Variants in GNAS observed in about 807,000 individuals in gnomAD.
GNAS encodes protein ALEX.
GNAS carries 8 observed loss-of-function variants against 54.5 expected under a neutral mutation model. That is an observed-to-expected ratio of 0.15 (90% CI 0.09 to 0.26). The LOEUF (loss-of-function observed/expected upper bound fraction) is 0.26. Among genes scored for constraint, GNAS ranks in the 10% least tolerant of loss-of-function variants. The probability of loss-of-function intolerance (pLI) is 1.00; values close to 1 mark genes in which losing one functional copy is unlikely to be tolerated. For missense variants in GNAS, 170 were observed against 529.8 expected, an observed-to-expected ratio of 0.32 and a Z score of 6.67; for synonymous variants, 204 against 191.4, an observed-to-expected ratio of 1.07 and a Z score of -0.54.
chr20:58,882,161 C>T (rs939953327), intron 1 of GNAS, among the ~76,000 whole-genome samples: 4 of 152,178 alleles, frequency 2.6e-5, no homozygotes, highest in Non-Finnish European at 5.9e-5. Flanking sequence ...CTCCGCCTCC[C>T]GGGTTCACGC....
At position 58,841,084 on chromosome 20, in the gene GNAS, C is replaced by T. The variant is rs1219507375; in HGVS notation, c.43+198C>T. 6.6e-6 allele frequency among the ~76,000 whole-genome samples: 1 copy of T among 152,036 alleles called. No individual in the cohort carries two copies. Among genetic ancestry groups the T allele is most frequent in the Non-Finnish European group, 1.5e-5 (1 of 67,990 alleles). ...CAGGATGCCAGGGGCGCCCTGGTGGCCAAAGGCTTGTTGGACGGCGGGGCG... is the reference window on the plus strand; with the variant it reads ...CAGGATGCCAGGGGCGCCCTGGTGGTCAAAGGCTTGTTGGACGGCGGGGCG... On this transcript the variant is annotated intron_variant, in intron 1 of 12. Coordinates refer to the GNAS transcript ENST00000306090. This position sits in a 1 kb window ranked among gnomAD's most constrained non-coding sequence, Gnocchi z 5.0.
At chr20:58,880,116 G>T (rs2088129840) in intron 1 of GNAS, among the ~76,000 whole-genome samples, 1 of 152,152 alleles carries the variant, frequency 6.6e-6, no homozygotes, top group Non-Finnish European at 1.5e-5. Context: ...ATCTCTCAGT[G>T]CAGTAAAAAG....
intron 1 of GNAS, among the ~76,000 whole-genome samples, chr20:58,846,988 G>C (rs1251521029): frequency 3.3e-5 from 5 of 152,012 alleles, no homozygotes; most frequent in Admixed American, 3.3e-4. Flanking sequence ...ATCTTTTCTG[G>C]AATGGCCTCT....
intron 3 of GNAS, chr20:58,899,552 C>T (rs1408043227): frequency 4.1e-5 from 22 of 535,266 alleles, no homozygotes; most frequent in Non-Finnish European, 7.8e-5. Flanking sequence ...AGGCACTTTA[C>T]GTTAGCTTGG....
At position 58,857,755 on chromosome 20, in the gene GNAS, C is replaced by T. The variant is rs539798747; in HGVS notation, c.43+16869C>T. Among the ~76,000 whole-genome samples, 53 of 152,248 alleles carry T rather than the reference C, an allele frequency of 3.5e-4. No homozygotes were observed. The highest frequency in any genetic ancestry group is 1.3e-3 in the African/African-American group (52 of 41,542). The stretch of plus-strand genomic sequence containing the variant: ...GCCATCAATCCTGCAGCAAACTGTC[C>T]ATGTTTGGGACCAGTCTTAAGAATA... On this transcript the variant is annotated intron_variant, in intron 1 of 12. Coordinates refer to the GNAS transcript ENST00000306090. The surrounding 1 kb of genome is among the most constrained non-coding windows in gnomAD (Gnocchi z 4.1).
upstream of GNAS, among the ~76,000 whole-genome samples, chr20:58,888,040 G>A: frequency 6.6e-6 from 1 of 152,178 alleles, no homozygotes; most frequent in Non-Finnish European, 1.5e-5. Flanking sequence ...AAGGCCTCTG[G>A]TGGTATCAGC....
At chr20:58,840,490 G>T (rs761520412), upstream of GNAS, 1 of 1,613,180 alleles carries the variant, frequency 6.2e-7, no homozygotes, top group Non-Finnish European at 8.5e-7. This position sits in a 1 kb window ranked among gnomAD's most constrained non-coding sequence, Gnocchi z 6.0. Flanking sequence ...TCGAGACCGA[G>T]CCTGAGACCG....
At chr20:58,855,939 C>A in intron 1 of GNAS, 1 of 379,660 alleles carries the variant, frequency 2.6e-6, no homozygotes, top group Non-Finnish European at 4.7e-6. Context: ...ATGGCCCGGG[C>A]AAAAAACTTT....
chr20:58,859,718 C>G (rs752751226), intron 1 of GNAS, among the ~76,000 whole-genome samples: 1 of 151,886 alleles, frequency 6.6e-6, no homozygotes, highest in East Asian at 1.9e-4. Context: ...CCTCTGCCTC[C>G]TGGGTTCAAG....
At chr20:58,871,249 G>A (rs958200805) in intron 1 of GNAS, among the ~76,000 whole-genome samples, 1 of 152,156 alleles carries the variant, frequency 6.6e-6, no homozygotes, top group Non-Finnish European at 1.5e-5. Context: ...TTGGCCAGTT[G>A]TTTATTGTTG....
At chr20:58,870,651 C>A (rs2087380386) in intron 1 of GNAS, among the ~76,000 whole-genome samples, 1 of 152,200 alleles carries the variant, frequency 6.6e-6, no homozygotes, top group Non-Finnish European at 1.5e-5. Flanking sequence ...CCATTCTGTG[C>A]TTTTCTCAGG....
chr20:58,866,114 A>G (rs1267591280), intron 1 of GNAS, among the ~76,000 whole-genome samples: 1 of 152,120 alleles, frequency 6.6e-6, no homozygotes, highest in African/African-American at 2.4e-5. Flanking sequence ...GTGTTCCCCA[A>G]AACAACAGCA....
chr20:58,891,732 C>A lies in GNAS; in HGVS notation c.6C>A (p.Gly2=). The change falls in exon 1 of 13, where the codon GGC becomes GGA. Residue 2 remains glycine (G), a synonymous_variant. Coordinates refer to ENST00000371085, the MANE Select transcript of GNAS (RefSeq NM_000516.7). M[G]CLGNSKTEDQ... ...CCGCCGCCGCCGCCGCCGCCATGGGCTGCCTCGGGAACAGTAAGACCGAGG... is the reference window on the plus strand; with the variant it reads ...CCGCCGCCGCCGCCGCCGCCATGGGATGCCTCGGGAACAGTAAGACCGAGG... The A allele has an allele frequency of 8.6e-7, 1 of 1,162,762 alleles. No individual in the cohort carries two copies. Among genetic ancestry groups the A allele is most frequent in the Non-Finnish European group, 1.1e-6 (1 of 912,518 alleles). 72.0% of individuals were successfully genotyped at this position (1,162,762 alleles called of 1,614,324 possible). A position where few individuals can be genotyped will look rare whatever the true frequency, so the allele number is the denominator to read the frequency against.
chr20:58,854,341 C>T (rs1437754003), intron 1 of GNAS: 4 of 1,588,406 alleles, frequency 2.5e-6, no homozygotes, highest in Non-Finnish European at 3.4e-6. Context: ...GAGGAAGCAG[C>T]AGAGATGGAA....
At chr20:58,855,983 G>C (rs1376311567) in intron 1 of GNAS, 1 of 273,586 alleles carries the variant, frequency 3.7e-6, no homozygotes, top group Non-Finnish European at 6.9e-6. Flanking sequence ...ACCTGCGCCC[G>C]GGCGCTCTGC....
At chr20:58,854,295 G>T in intron 1 of GNAS, 1 of 1,607,358 alleles carries the variant, frequency 6.2e-7, no homozygotes, top group Non-Finnish European at 8.5e-7. Flanking sequence ...CGGAGCCCCA[G>T]ATAAGAGAGA....
intron 2 of GNAS, among the ~76,000 whole-genome samples, chr20:58,896,209 C>T (rs572641030): frequency 2.1e-5 from 3 of 143,044 alleles, no homozygotes; most frequent in Non-Finnish European, 4.6e-5. Flanking sequence ...GAAGTGGCAG[C>T]CCGTGTTTAC....
chr20:58,869,091 G>A (rs6064716), intron 1 of GNAS, among the ~76,000 whole-genome samples: 2 of 152,194 alleles, frequency 1.3e-5, no homozygotes, highest in African/African-American at 2.4e-5. Context: ...AACTTTTAAC[G>A]AGTGGATCTG....
At chr20:58,902,156 A>G (rs6026592) in intron 3 of GNAS, among the ~76,000 whole-genome samples, 89,134 of 151,532 alleles carry the variant, frequency 0.59, 26,823 homozygotes, top group South Asian at 0.7. Flanking sequence ...CCTGTCAGAG[A>G]GGCAGGACCG....
Sources: gnomAD v4.1 joint callset for allele counts (sites outside exome capture counted in the v4.1 genomes callset) on GRCh38, gnomAD v4.1.1 for gene constraint, Gnocchi (gnomAD v3.1) non-coding constraint, MANE v1.5 for transcripts, NCBI Gene and HGNC (gene_info 2026-07-23, HGNC 2026-07-21) for gene names.